The following FRMPD4 variants were observed in gnomAD, a reference collection of about 807,000 sequenced individuals.
FRMPD4 encodes FERM and PDZ domain containing 4.
Under a neutral mutation model 94.1 loss-of-function variants are expected in FRMPD4, and 22 were observed. That is an observed-to-expected ratio of 0.23 (90% confidence interval 0.17 to 0.33). The LOEUF (loss-of-function observed/expected upper bound fraction) is 0.33, where lower values mean the gene tolerates loss of function less well. FRMPD4 is among the 10% of genes least tolerant of loss of function. The pLI is 1.00. For missense variants in FRMPD4, 1,111 were observed against 1,339.9 expected (o/e 0.83, Z 2.67); for synonymous variants, 631 against 548.6 (o/e 1.15, Z -2.10).
intron 4 of FRMPD4, among the ~76,000 whole-genome samples, chrX:12,630,254 T>C (rs1473081600): frequency 8.9e-6 from 1 of 112,799 alleles, no homozygotes; most frequent in Non-Finnish European, 1.9e-5. Flanking sequence ...GTAAATATTT[T>C]ACGCATTGCA....
At chrX:12,110,521 G>T (rs1244173725) in intron 3 of FRMPD4, among the ~76,000 whole-genome samples, 1 of 111,641 alleles carries the variant, frequency 9.0e-6, no homozygotes, top group East Asian at 2.8e-4. Flanking sequence ...AGACAGGGAT[G>T]CCCTCTCTCA....
chrX:12,197,936 A>G (rs1320221104), intron 1 of FRMPD4, among the ~76,000 whole-genome samples: 2 of 111,983 alleles, frequency 1.8e-5, no homozygotes, highest in Non-Finnish European at 3.8e-5. Context: ...TGTTCTTGTA[A>G]ATGTCTCAGT....
Position 12,583,449 on chromosome X carries a change from G to A in FRMPD4, c.159-26272G>A, listed in dbSNP as rs745759267. 2.1e-4 allele frequency: 252 copies of A among 1,200,464 alleles called. 1 individual carries two copies. The South Asian group carries it at 3.8e-3, about 18-fold the overall frequency. On this transcript the variant is annotated intron_variant, in intron 2 of 16. Coordinates refer to ENST00000675598, the MANE Select transcript of FRMPD4 (RefSeq NM_001368397.1). The stretch of plus-strand genomic sequence containing the variant: ...CTTCCAGCAGCCGCGTCTGGACCTG[G>A]AACACCTCTGGATCTTTCAGGTCTT...
intron 1 of FRMPD4, among the ~76,000 whole-genome samples, chrX:11,840,991 G>A (rs1301981967): frequency 7.7e-5 from 8 of 103,895 alleles, no homozygotes; most frequent in Non-Finnish European, 1.6e-4. Context: ...GAGAATATGC[G>A]GTGTTTGGTT....
At chrX:12,496,632 A>G (rs1174791954) in intron 1 of FRMPD4, among the ~76,000 whole-genome samples, 1 of 112,030 alleles carries the variant, frequency 8.9e-6, no homozygotes, top group African/African-American at 3.3e-5. Flanking sequence ...TTATAGATAA[A>G]TACTTACAAA....
chrX:12,498,112 G>A (rs551045655), intron 1 of FRMPD4, among the ~76,000 whole-genome samples: 19 of 111,713 alleles, frequency 1.7e-4, no homozygotes, highest in South Asian at 7.6e-4. Flanking sequence ...CACCAGCTTC[G>A]GTGGTGCCAG....
At chrX:12,135,529 T>C (rs1284606990), upstream of FRMPD4, among the ~76,000 whole-genome samples, 4 of 106,207 alleles carry the variant, frequency 3.8e-5, no homozygotes, top group Non-Finnish European at 7.7e-5. Flanking sequence ...ACTAGATAAT[T>C]ACTATATGAG....
chrX:12,260,650 C>T (rs991311196), intron 1 of FRMPD4, among the ~76,000 whole-genome samples: 1 of 112,290 alleles, frequency 8.9e-6, no homozygotes, highest in African/African-American at 3.2e-5. Flanking sequence ...GTTCACTTAT[C>T]AGTGACTTCC....
intron 1 of FRMPD4, among the ~76,000 whole-genome samples, chrX:12,345,083 T>C (rs2055680405): frequency 9.5e-6 from 1 of 105,352 alleles, no homozygotes; most frequent in African/African-American, 3.5e-5. Context: ...GATTGATGGA[T>C]GAATGAATGA....
At chrX:12,227,946 A>G (rs1244338263) in intron 1 of FRMPD4, among the ~76,000 whole-genome samples, 1 of 111,139 alleles carries the variant, frequency 9.0e-6, no homozygotes, top group Non-Finnish European at 1.9e-5. Flanking sequence ...TTTGGTAAGA[A>G]AAAATAAGCA....
chrX:12,679,169 C>T (rs1216693332), intron 5 of FRMPD4, among the ~76,000 whole-genome samples: 1 of 111,519 alleles, frequency 9.0e-6, no homozygotes, highest in Non-Finnish European at 1.9e-5. Context: ...CTTCCTGGCC[C>T]CAGTAGCATG....
chrX:12,090,317 G>A (rs769186509), intron 3 of FRMPD4, among the ~76,000 whole-genome samples: 3 of 109,896 alleles, frequency 2.7e-5, no homozygotes, highest in Non-Finnish European at 5.7e-5. Context: ...CTCTGGCCAC[G>A]TAAAGTGCCT....
chrX:12,711,917 T>G (rs934778292), intron 14 of FRMPD4, among the ~76,000 whole-genome samples: 4 of 110,899 alleles, frequency 3.6e-5, no homozygotes, highest in Admixed American at 2.9e-4. Flanking sequence ...GCATACAGAC[T>G]CACACACAGT....
intron 1 of FRMPD4, among the ~76,000 whole-genome samples, chrX:12,384,164 C>A (rs898100055): frequency 8.0e-5 from 9 of 111,913 alleles, no homozygotes; most frequent in Non-Finnish European, 1.1e-4. Flanking sequence ...CAAAGTATAT[C>A]TTTATCGTAT....
intron 2 of FRMPD4, among the ~76,000 whole-genome samples, chrX:12,550,979 A>G (rs760216143): frequency 1.8e-4 from 20 of 110,305 alleles, no homozygotes; most frequent in Non-Finnish European, 2.7e-4. Context: ...ACATATGCAT[A>G]TTTTATTTTT....
chrX:12,058,398 A>T (rs1446070008), intron 3 of FRMPD4, among the ~76,000 whole-genome samples: 3 of 111,462 alleles, frequency 2.7e-5, no homozygotes, highest in Non-Finnish European at 5.7e-5. Flanking sequence ...AGGGGATGTT[A>T]GAGAGACTTT....
chrX:12,350,543 G>A lies in FRMPD4; in HGVS notation c.42-148137G>A, dbSNP rs374489060. On this transcript the variant is annotated intron_variant, in intron 1 of 16. Coordinates refer to ENST00000675598, the MANE Select transcript of FRMPD4 (RefSeq NM_001368397.1). Reference sequence around the variant, plus strand: ...TGTTTTGGAACTACAATAGTGGGCTGAGATAAACTGTCTCATAGTCTCATA... The same window carrying A: ...TGTTTTGGAACTACAATAGTGGGCTAAGATAAACTGTCTCATAGTCTCATA... 9.8e-5 allele frequency among the ~76,000 whole-genome samples: 11 copies of A among 112,099 alleles called. No individual in the cohort carries two copies. The East Asian group carries it at 1.1e-3, about 11-fold the overall frequency.
chrX:12,359,032 G>C (rs2055940247), intron 1 of FRMPD4, among the ~76,000 whole-genome samples: 1 of 111,999 alleles, frequency 8.9e-6, no homozygotes, highest in Non-Finnish European at 1.9e-5. Flanking sequence ...GGTACAGAAT[G>C]CTGGAAGCTA....
intron 2 of FRMPD4, among the ~76,000 whole-genome samples, chrX:12,516,903 T>C (rs1211821289): frequency 1.0e-5 from 1 of 97,095 alleles, no homozygotes; most frequent in South Asian, 4.3e-4. Context: ...TTCGTTCTTT[T>C]TTTTTTTTTT....
Sources: allele counts gnomAD v4.1 joint callset (sites outside exome capture counted in the v4.1 genomes callset), GRCh38; gene constraint gnomAD v4.1.1; transcripts MANE v1.5; gene names NCBI Gene and HGNC (gene_info 2026-07-23, HGNC 2026-07-21).